The following LTBP1 variants were observed in gnomAD, a reference collection of about 807,000 sequenced individuals.
LTBP1 encodes latent-transforming growth factor beta-binding protein 1.
LTBP1 carries 129 observed loss-of-function variants against 207.6 expected under a neutral mutation model. That is an observed-to-expected ratio of 0.62 (90% CI 0.54 to 0.72). LTBP1 has a LOEUF of 0.72. Ranked by LOEUF, LTBP1 falls within the 30% of genes least tolerant of loss-of-function variation. The pLI is 0.00. For missense variants in LTBP1, 2,281 were observed against 2,217.2 expected, an observed-to-expected ratio of 1.03 and a Z score of -0.58; for synonymous variants, 963 against 833.7, an observed-to-expected ratio of 1.16 and a Z score of -2.67.
chr2:33,044,274 C>T (rs549367426), intron 3 of LTBP1, among the ~76,000 whole-genome samples: 1 of 152,164 alleles, frequency 6.6e-6, no homozygotes, highest in Non-Finnish European at 1.5e-5. Context: ...AGCCCCCTAC[C>T]CACTGACAGG....
chr2:33,115,166 A>G (rs1015271461), intron 4 of LTBP1, among the ~76,000 whole-genome samples: 1 of 152,120 alleles, frequency 6.6e-6, no homozygotes, highest in African/African-American at 2.4e-5. Flanking sequence ...ACTCAGCCAT[A>G]AAAAGGAATA....
At chr2:33,323,225 T>G (rs1447943796) in intron 24 of LTBP1, among the ~76,000 whole-genome samples, 1 of 152,172 alleles carries the variant, frequency 6.6e-6, no homozygotes, top group African/African-American at 2.4e-5. Context: ...AAACCCGATT[T>G]TATAATAAAG....
At chr2:33,301,182 G>A (rs561660259) in intron 21 of LTBP1, among the ~76,000 whole-genome samples, 2 of 152,278 alleles carry the variant, frequency 1.3e-5, no homozygotes, top group Admixed American at 6.5e-5. Flanking sequence ...TTCCCAATAA[G>A]TATGTGCTTC....
intron 19 of LTBP1, among the ~76,000 whole-genome samples, chr2:33,287,915 G>T (rs1434753190): frequency 1.3e-5 from 2 of 152,146 alleles, no homozygotes; most frequent in African/African-American, 2.4e-5. Flanking sequence ...TGCCATGCTT[G>T]CTTTTCTGCC....
At chr2:33,093,718 A>G (rs2079232096) in intron 3 of LTBP1, among the ~76,000 whole-genome samples, 1 of 152,154 alleles carries the variant, frequency 6.6e-6, no homozygotes, top group African/African-American at 2.4e-5. Flanking sequence ...TCTTGCAAAG[A>G]GAAATCATAA....
At chr2:33,362,431 A>G (rs1246265839) in intron 28 of LTBP1, among the ~76,000 whole-genome samples, 1 of 152,182 alleles carries the variant, frequency 6.6e-6, no homozygotes, top group South Asian at 2.1e-4. Flanking sequence ...ACAAATATAC[A>G]TTACTATGTT....
At chr2:33,355,994 T>A (rs76406942) in intron 26 of LTBP1, among the ~76,000 whole-genome samples, 6,422 of 152,106 alleles carry the variant, frequency 0.042, 146 homozygotes, top group Non-Finnish European at 0.053. Flanking sequence ...TCTGAAGTTA[T>A]CCACTTTCTG....
At chr2:33,382,377 G>A (rs2095226608) in intron 31 of LTBP1, among the ~76,000 whole-genome samples, 1 of 152,080 alleles carries the variant, frequency 6.6e-6, no homozygotes, top group Non-Finnish European at 1.5e-5. Context: ...TTATAGGCGT[G>A]AGCCACGGTG....
intron 4 of LTBP1, among the ~76,000 whole-genome samples, chr2:33,125,463 A>G (rs218203): frequency 6.6e-6 from 1 of 151,870 alleles, no homozygotes; most frequent in Admixed American, 6.6e-5. Context: ...AATTTGGGCC[A>G]AAAAAAAGCA....
intron 2 of LTBP1, among the ~76,000 whole-genome samples, chr2:32,996,378 C>T (rs2148916743): frequency 6.6e-6 from 1 of 152,274 alleles, no homozygotes; most frequent in South Asian, 2.1e-4. Context: ...ATGACCTAAT[C>T]ACCCTCCAAA....
At position 32,947,081 on chromosome 2, in the gene LTBP1, C is replaced by T; in HGVS notation, c.-244C>T. ...GGCCCGCTCCCCTCGCCCCTCCCCG[C>T]TCCCCGGGCTCCGCGCTCCCCACCC... On this transcript the variant is annotated 5_prime_UTR_variant, in exon 1 of 34. Transcript: ENST00000404816. 3.2e-6 allele frequency: 1 copy of T among 314,812 alleles called. No homozygotes were observed. Among genetic ancestry groups the T allele is most frequent in the Admixed American group, 5.0e-5 (1 of 19,874 alleles). The allele number at this position is 314,812 out of a possible 1,614,324, so 19.5% of individuals were successfully genotyped here.
intron 3 of LTBP1, among the ~76,000 whole-genome samples, chr2:33,105,129 G>A (rs1190921557): frequency 6.6e-6 from 1 of 151,966 alleles, no homozygotes; most frequent in Non-Finnish European, 1.5e-5. Context: ...TTCACCCCCT[G>A]TCCACCAGCC....
intron 5 of LTBP1, among the ~76,000 whole-genome samples, chr2:33,185,217 A>T (rs752499892): frequency 6.6e-6 from 1 of 152,144 alleles, no homozygotes; most frequent in Non-Finnish European, 1.5e-5. Flanking sequence ...ATTGCAGAGG[A>T]TCCCTGTAAT....
intron 5 of LTBP1, among the ~76,000 whole-genome samples, chr2:33,146,535 A>T (rs1489037417): frequency 2.0e-5 from 3 of 152,066 alleles, no homozygotes; most frequent in African/African-American, 7.2e-5. Context: ...TGGATTCCTC[A>T]TTGATCACAT....
intron 24 of LTBP1, among the ~76,000 whole-genome samples, chr2:33,340,402 T>C (rs1025827954): frequency 2.0e-5 from 3 of 152,032 alleles, no homozygotes; most frequent in Admixed American, 1.3e-4. Flanking sequence ...ACACAGCAGA[T>C]TTCAGGCAGG....
chr2:33,069,270 T>C (rs2149721588), intron 3 of LTBP1, among the ~76,000 whole-genome samples: 1 of 152,266 alleles, frequency 6.6e-6, no homozygotes, highest in East Asian at 1.9e-4. Context: ...CTCTGTGCAC[T>C]GATGCCTCCC....
intron 15 of LTBP1, among the ~76,000 whole-genome samples, chr2:33,264,846 T>C (rs953404116): frequency 5.3e-5 from 8 of 152,146 alleles, no homozygotes; most frequent in Non-Finnish European, 1.2e-4. Context: ...TTGTGAGGGA[T>C]TGGCTCACAC....
intron 4 of LTBP1, among the ~76,000 whole-genome samples, chr2:33,123,349 G>T (rs2150417234): frequency 6.6e-6 from 1 of 152,080 alleles, no homozygotes; most frequent in Non-Finnish European, 1.5e-5. Context: ...AACCTTTTCA[G>T]TAAGATTCCT....
chr2:33,311,141 ATT>A (rs564929150), intron 23 of LTBP1, among the ~76,000 whole-genome samples: 33 of 152,236 alleles, frequency 2.2e-4, no homozygotes, highest in South Asian at 1.0e-3. Flanking sequence ...TGGCACTGGA[ATT>A]ATATATCTAT....
Sources: gnomAD v4.1 joint callset for allele counts (sites outside exome capture counted in the v4.1 genomes callset) on GRCh38, gnomAD v4.1.1 for gene constraint, MANE v1.5 for transcripts, NCBI Gene and HGNC (gene_info 2026-07-23, HGNC 2026-07-21) for gene names.